Variants in OR10K2 observed in about 807,000 individuals in gnomAD.
OR10K2 encodes the protein olfactory receptor family 10 subfamily K member 2, also known as olfactory receptor 10K2.
For synonymous variants in OR10K2, 169 were observed against 146.4 expected, an observed-to-expected ratio of 1.15 and a Z score of -1.11; for missense variants, 401 against 367.1, an observed-to-expected ratio of 1.09 and a Z score of -0.76.
In OR10K2 at chr1:158,419,448, T is replaced by C. The variant is rs1023346857; in HGVS notation, c.*480A>G. 6.4e-6 allele frequency: 1 copy of C among 155,426 alleles called. No homozygotes were observed. The highest frequency in any genetic ancestry group is 1.4e-5 in the Non-Finnish European group (1 of 69,026). 9.6% of individuals were successfully genotyped at this position (155,426 alleles called of 1,614,324 possible). On this transcript the variant is annotated 3_prime_UTR_variant, in exon 2 of 2. Coordinates refer to ENST00000641042, the MANE Select transcript of OR10K2 (RefSeq NM_001004476.2). ...AAAACCTTCAATAGGCAATAATTCA[T>C]GTGAGTGTGGCAAGCAGTTGTGTTT...
intron 1 of OR10K2, among the ~76,000 whole-genome samples, chr1:158,421,411 C>T (rs1429976767): frequency 2.0e-5 from 3 of 152,124 alleles, no homozygotes; most frequent in African/African-American, 7.2e-5. Flanking sequence ...TTCCTTACCT[C>T]CTGGCAGGAA....
chr1:158,424,573 A>C (rs527802616), intron 1 of OR10K2, among the ~76,000 whole-genome samples: 1 of 152,160 alleles, frequency 6.6e-6, no homozygotes, highest in East Asian at 1.9e-4. Context: ...TTTGGTGAAA[A>C]TACTGTTACA....
chr1:158,420,518 C>T lies in OR10K2; in HGVS notation c.349G>A (p.Val117Ile), dbSNP rs765994094. The change falls in exon 2 of 2, where the codon GTC becomes ATC. Residue 117 changes from valine (V) to isoleucine (I), a missense_variant. Val to Ile is a conservative substitution (Grantham distance 29). Transcript: ENST00000641042. ...LGCSHSFLLA[V>I]MGYDRYIAIC... ...GCTATGTAACGATCATAACCCATGACTGCCAGCAGAAAGGAGTGAGAGCAG... is the reference window on the plus strand; with the variant it reads ...GCTATGTAACGATCATAACCCATGATTGCCAGCAGAAAGGAGTGAGAGCAG... The T allele has an allele frequency of 2.5e-6, 4 of 1,613,684 alleles. No individual in the cohort carries two copies. In the Admixed American group the frequency reaches 5.0e-5, roughly 20 times the overall value.
intron 1 of OR10K2, among the ~76,000 whole-genome samples, chr1:158,423,015 AT>A (rs1655187913): frequency 6.6e-6 from 1 of 152,054 alleles, no homozygotes; most frequent in Non-Finnish European, 1.5e-5. Context: ...TTGGAGAAAT[AT>A]CATAACACAG....
rs747305252 is a variant in OR10K2, at chr1:158,419,981, C to A, written c.886G>T (p.Glu296Ter). The change falls in exon 2 of 2, where the codon GAG (glutamate) becomes TAG (stop). Residue 296 changes from glutamate to a stop codon, truncating the protein, a stop_gained. Coordinates refer to ENST00000641042, the MANE Select transcript of OR10K2 (RefSeq NM_001004476.2). LOFTEE classifies it low-confidence loss of function (END_TRUNC). ...NPMIYSLRNKEFKSALCKIVR... is the reference protein window; with the variant it reads ...NPMIYSLRNK ...ATTTTACAAAGAGCTGATTTGAACT[C>A]TTTATTTCTCAAGCTATAAATCATT... 1 of 1,612,856 alleles carries A rather than the reference C, an allele frequency of 6.2e-7. No homozygotes were observed. Among genetic ancestry groups the A allele is most frequent in the South Asian group, 1.1e-5 (1 of 91,008 alleles).
chr1:158,423,578 A>G (rs1655197586), intron 1 of OR10K2, among the ~76,000 whole-genome samples: 2 of 152,026 alleles, frequency 1.3e-5, no homozygotes, highest in Admixed American at 6.6e-5. Flanking sequence ...CCCATAAATA[A>G]GGAGTGCTTA....
Position 158,419,918 on chromosome 1 carries a change from A to G in OR10K2, c.*10T>C, listed in dbSNP as rs534344458. On this transcript the variant is annotated 3_prime_UTR_variant, in exon 2 of 2. Transcript: ENST00000641042. ...TGAGAAACTGCACCTGGCCAGAATC[A>G]AGATTAATTTTACAACAGGGAAATT... The G allele has an allele frequency of 1.9e-6, 3 of 1,601,712 alleles. No individual in the cohort carries two copies. The highest frequency in any genetic ancestry group is 4.5e-5 in the East Asian group (2 of 44,684).
rs1655136063 is a variant in OR10K2, at chr1:158,420,660, A to G, written c.207T>C (p.Ser69=). 6.2e-7 allele frequency: 1 copy of G among 1,609,794 alleles called. No individual in the cohort carries two copies. The highest frequency in any genetic ancestry group is 8.5e-7 in the Non-Finnish European group (1 of 1,176,092). ...MYFFLAILSC[S]EICYTFIIVP... ...CAATGATGAAGGTGTAGCAAATCTC[A>G]GAGCAAGAGAGGATGGCAAGGAAGA... The change falls in exon 2 of 2, where the codon TCT becomes TCC. Residue 69 remains serine (S), a synonymous_variant. Transcript: ENST00000641042.
chr1:158,422,686 A>C (rs1655181898), intron 1 of OR10K2, among the ~76,000 whole-genome samples: 1 of 152,098 alleles, frequency 6.6e-6, no homozygotes. Context: ...ATGTTACCTA[A>C]GAACCACCAA....
At chr1:158,425,145 A>G (rs1272562631) in intron 1 of OR10K2, among the ~76,000 whole-genome samples, 3 of 152,036 alleles carry the variant, frequency 2.0e-5, no homozygotes, top group Non-Finnish European at 4.4e-5. Flanking sequence ...AATAAAGATC[A>G]TTTCATTTTT....
At position 158,418,498 on chromosome 1, in the gene OR10K2, C is replaced by T. The variant is rs1005779476; in HGVS notation, c.*1430G>A. On this transcript the variant is annotated 3_prime_UTR_variant, in exon 2 of 2. Transcript: ENST00000641042. ...GCATCAATCTCTGATTTTCAACCCC[C>T]ATCAGCAGCAAGTTTCAAGCTTCAA... is the stretch of plus-strand genomic sequence containing the variant. 4 of 152,132 alleles carry T rather than the reference C, an allele frequency of 2.6e-5. No homozygotes were observed. The highest frequency in any genetic ancestry group is 1.3e-4 in the Admixed American group (2 of 15,254). The allele number at this position is 152,132 out of a possible 1,614,324, so 9.4% of individuals were successfully genotyped here.
At chr1:158,423,621 T>C (rs1444536865) in intron 1 of OR10K2, among the ~76,000 whole-genome samples, 1 of 152,052 alleles carries the variant, frequency 6.6e-6, no homozygotes, top group Non-Finnish European at 1.5e-5. Flanking sequence ...TTTATTGTTG[T>C]TCTATAGGTA....
intron 1 of OR10K2, 22 bp downstream of exon 1, chr1:158,425,911 C>T (rs1375775893): frequency 6.6e-6 from 1 of 152,050 alleles, no homozygotes; most frequent in Non-Finnish European, 1.5e-5. Context: ...CTTGCATGGG[C>T]TCATCACCCT....
At position 158,420,634 on chromosome 1, in the gene OR10K2, A is replaced by G; in HGVS notation, c.233T>C (p.Val78Ala). 6.2e-7 allele frequency: 1 copy of G among 1,613,902 alleles called. No homozygotes were observed. Among genetic ancestry groups the G allele is most frequent in the Non-Finnish European group, 8.5e-7 (1 of 1,179,884 alleles). Residue 78 changes from valine to alanine, a missense_variant, in exon 2 of 2, where the codon GTA becomes GCA. Val to Ala is a moderately conservative substitution (Grantham distance 64, BLOSUM62 0). Coordinates refer to ENST00000641042, the MANE Select transcript of OR10K2 (RefSeq NM_001004476.2). ...CAGCAGGTCAACCAGCATCTTGGGTACAATGATGAAGGTGTAGCAAATCTC... is the reference window on the plus strand; with the variant it reads ...CAGCAGGTCAACCAGCATCTTGGGTGCAATGATGAAGGTGTAGCAAATCTC... ...CSEICYTFII[V>A]PKMLVDLLSQ...
At position 158,420,615 on chromosome 1, in the gene OR10K2, G is replaced by A. The variant is rs774033769; in HGVS notation, c.252C>T (p.Asp84=). 2 of 1,613,776 alleles carry A rather than the reference G, an allele frequency of 1.2e-6. No homozygotes were observed. The highest frequency in any genetic ancestry group is 1.7e-5 in the Admixed American group (1 of 59,938). Residue 84 remains aspartate (D), a synonymous_variant, in exon 2 of 2, where the codon GAC becomes GAT. Coordinates refer to ENST00000641042, the MANE Select transcript of OR10K2 (RefSeq NM_001004476.2). ...AAATGGTCTTCTTCTGGGACAGCAG[G>A]TCAACCAGCATCTTGGGTACAATGA... The part of the protein sequence containing the change: ...TFIIVPKMLV[D]LLSQKKTISF...
chr1:158,420,756 G>C lies in OR10K2; in HGVS notation c.111C>G (p.Phe37Leu). ...LFVIFLLLYL[F>L]TLGTNAIIIS... The stretch of plus-strand genomic sequence containing the variant: ...TGATGATTGCATTGGTGCCCAGAGT[G>C]AACAGGTAGAGGAGCAGGAAGATAA... Residue 37 changes from phenylalanine to leucine, a missense_variant, in exon 2 of 2, where the codon TTC becomes TTG. Coordinates refer to ENST00000641042, the MANE Select transcript of OR10K2 (RefSeq NM_001004476.2). 1 of 1,613,736 alleles carries C rather than the reference G, an allele frequency of 6.2e-7. No homozygotes were observed. The highest frequency in any genetic ancestry group is 8.5e-7 in the Non-Finnish European group (1 of 1,179,836).
chr1:158,422,218 T>C (rs941017461), intron 1 of OR10K2, among the ~76,000 whole-genome samples: 3 of 152,176 alleles, frequency 2.0e-5, no homozygotes, highest in Non-Finnish European at 2.9e-5. Context: ...AGAACCATAT[T>C]AAGTACTTAA....
At chr1:158,425,025 T>C (rs1655226282) in intron 1 of OR10K2, among the ~76,000 whole-genome samples, 1 of 152,108 alleles carries the variant, frequency 6.6e-6, no homozygotes, top group Non-Finnish European at 1.5e-5. Flanking sequence ...ATTATTTATG[T>C]AAGTTTAACT....
chr1:158,420,716 G>A lies in OR10K2; in HGVS notation c.151C>T (p.Leu51=), dbSNP rs1161484735. 2.5e-6 allele frequency: 4 copies of A among 1,613,770 alleles called. No homozygotes were observed. Among genetic ancestry groups the A allele is most frequent in the Non-Finnish European group, 3.4e-6 (4 of 1,179,840 alleles). ...TNAIIISTIV[L]DRALHIPMYF... is the part of the protein sequence containing the mutation. Reference sequence around the variant, plus strand: ...ATGGGGATATGAAGGGCCCTGTCCAGGACAATGGTGGAAATGATGATTGCA... The same window carrying A: ...ATGGGGATATGAAGGGCCCTGTCCAAGACAATGGTGGAAATGATGATTGCA... The change falls in exon 2 of 2, where the codon CTG becomes TTG. Residue 51 remains leucine, a synonymous_variant. Coordinates refer to ENST00000641042, the MANE Select transcript of OR10K2 (RefSeq NM_001004476.2).
Sources: gnomAD v4.1 joint callset for allele counts (sites outside exome capture counted in the v4.1 genomes callset) on GRCh38, gnomAD v4.1.1 for gene constraint, MANE v1.5 for transcripts, NCBI Gene and HGNC (gene_info 2026-07-23, HGNC 2026-07-21) for gene names.